The following ACMSD variants were observed in gnomAD, a reference collection of about 807,000 sequenced individuals.
ACMSD encodes the protein 2-amino-3-carboxymuconate-6-semialdehyde decarboxylase.
ACMSD carries 37 observed loss-of-function variants against 45.9 expected under a neutral mutation model. The ratio of observed to expected loss-of-function variants is 0.81; its 90% CI spans 0.62 to 1.06. The LOEUF (loss-of-function observed/expected upper bound fraction) is 1.06, where lower values mean the gene tolerates loss of function less well. ACMSD is among the 50% of genes least tolerant of loss of function. The probability of loss-of-function intolerance (pLI) is 0.00; values close to 1 mark genes in which losing one functional copy is unlikely to be tolerated. For synonymous variants in ACMSD, 138 were observed against 148.8 expected, an observed-to-expected ratio of 0.93 and a Z score of 0.53; for missense variants, 434 against 420.9, an observed-to-expected ratio of 1.03 and a Z score of -0.27.
Position 134,840,087 on chromosome 2 carries a change from T to C in ACMSD, c.57+1348T>C, listed in dbSNP as rs77364127. 2.4e-3 allele frequency among the ~76,000 whole-genome samples: 359 copies of C among 146,930 alleles called. 2 individuals carry two copies. The highest frequency in any genetic ancestry group is 8.6e-3 in the African/African-American group (340 of 39,538). ...GATACAGGTAATGGAAGCAATAGAT[T>C]ATACTCCCTAATCTGAGAGTTTTAG... is the stretch of plus-strand genomic sequence containing the variant. On this transcript the variant is annotated intron_variant, in intron 1 of 9. Transcript: ENST00000356140.
chr2:134,863,357 T>A, intron 4 of ACMSD, 38 bp from the exon 5 acceptor site: 1 of 1,592,452 alleles, frequency 6.3e-7, no homozygotes, highest in Non-Finnish European at 8.6e-7. Context: ...AGAAGTAGGT[T>A]TTCAACAATG....
chr2:134,879,174 A>G (rs953073267), intron 8 of ACMSD, among the ~76,000 whole-genome samples: 4 of 152,208 alleles, frequency 2.6e-5, no homozygotes, highest in Admixed American at 6.5e-5. Context: ...CAATCCCCAT[A>G]GTACCAGTCC....
chr2:134,840,438 C>A (rs545671163), intron 1 of ACMSD, among the ~76,000 whole-genome samples: 1 of 152,042 alleles, frequency 6.6e-6, no homozygotes, highest in Non-Finnish European at 1.5e-5. Context: ...TATGTCCCCC[C>A]CAAAATTCAG....
intron 8 of ACMSD, 35 bp downstream of exon 8, chr2:134,872,676 G>A (rs554006172): frequency 4.3e-6 from 7 of 1,611,514 alleles, no homozygotes; most frequent in African/African-American, 2.7e-5. Flanking sequence ...GGCTTATGGG[G>A]AGCAGAATGC....
chr2:134,864,268 CAA>C (rs370221460), intron 5 of ACMSD, among the ~76,000 whole-genome samples: 125 of 117,950 alleles, frequency 1.1e-3, no homozygotes, highest in African/African-American at 3.7e-3. Flanking sequence ...GACTCCATCT[CAA>C]AAAAAAAAAA....
At chr2:134,851,643 A>G (rs1687351276) in intron 2 of ACMSD, among the ~76,000 whole-genome samples, 1 of 152,164 alleles carries the variant, frequency 6.6e-6, no homozygotes, top group Non-Finnish European at 1.5e-5. Context: ...GGGTTTCACC[A>G]TGTTGGCCAG....
chr2:134,874,915 A>T (rs917908443), intron 8 of ACMSD, among the ~76,000 whole-genome samples: 1 of 152,240 alleles, frequency 6.6e-6, no homozygotes, highest in African/African-American at 2.4e-5. Flanking sequence ...TAAACTAAGA[A>T]ACAATAGTAT....
chr2:134,847,416 A>C (rs746213099), intron 2 of ACMSD, among the ~76,000 whole-genome samples: 11 of 150,814 alleles, frequency 7.3e-5, no homozygotes, highest in Non-Finnish European at 1.3e-4. Context: ...AGATAGATAG[A>C]TAGATAGATA....
intron 1 of ACMSD, 133 bp downstream of exon 1, chr2:134,838,872 G>T: frequency 1.8e-6 from 1 of 541,656 alleles, no homozygotes; most frequent in East Asian, 3.1e-5. Context: ...TCATTTGGTA[G>T]TTCTGATTTT....
At chr2:134,871,116 G>A (rs914404207) in intron 7 of ACMSD, 56 bp downstream of exon 7, 3 of 1,431,854 alleles carry the variant, frequency 2.1e-6, no homozygotes, top group African/African-American at 2.8e-5. Flanking sequence ...TCCCACAGAT[G>A]GGGTGACTGT....
chr2:134,843,723 C>T (rs1686917518), intron 1 of ACMSD, among the ~76,000 whole-genome samples: 1 of 152,236 alleles, frequency 6.6e-6, no homozygotes, highest in Admixed American at 6.5e-5. Context: ...TTAAGGAGCT[C>T]CCTCATGTAG....
intron 8 of ACMSD, chr2:134,873,524 A>G (rs1382982462): frequency 1.3e-5 from 2 of 152,248 alleles, no homozygotes; most frequent in African/African-American, 4.8e-5. Context: ...GCAATATGGT[A>G]CTTGAGTTTA....
intron 2 of ACMSD, among the ~76,000 whole-genome samples, chr2:134,851,090 C>A (rs916560466): frequency 3.9e-5 from 6 of 152,150 alleles, no homozygotes; most frequent in African/African-American, 1.4e-4. Context: ...AGGATAATGG[C>A]CTCCAGGTGC....
chr2:134,883,470 T>C (rs1166968081), intron 8 of ACMSD, among the ~76,000 whole-genome samples: 1 of 152,154 alleles, frequency 6.6e-6, no homozygotes, highest in Non-Finnish European at 1.5e-5. Flanking sequence ...CAATTTGCAG[T>C]TATGAAATAA....
chr2:134,886,246 A>ATTATTATTATTATTTTTTTTTTTTTT, intron 8 of ACMSD, among the ~76,000 whole-genome samples: 38 of 115,424 alleles, frequency 3.3e-4, no homozygotes, highest in African/African-American at 9.4e-4. Flanking sequence ...TATTATTATT[A>ATTATTATTATTATTTTTTTTTTTTTT]TTTTTTTTTT....
chr2:134,851,178 T>C (rs1687325398), intron 2 of ACMSD, among the ~76,000 whole-genome samples: 1 of 152,246 alleles, frequency 6.6e-6, no homozygotes, highest in Admixed American at 6.5e-5. Flanking sequence ...GGAATATCCA[T>C]GGAATATTAT....
rs1687874062 is a variant in ACMSD at position 134,862,020 on chromosome 2, T to C, written c.249+2T>C. The stretch of plus-strand genomic sequence containing the variant: ...GTTCCTGTCATGTTTAGCTACTGGG[T>C]GAGTGTGAAACCTCAAGCCATCTCC... On this transcript the variant is annotated splice_donor_variant, in intron 4 of 9. Coordinates refer to ENST00000356140, the MANE Select transcript of ACMSD (RefSeq NM_138326.3). LOFTEE classifies it high-confidence loss of function. The C allele has an allele frequency of 6.2e-7, 1 of 1,613,992 alleles. No individual in the cohort carries two copies. Among genetic ancestry groups the C allele is most frequent in the Non-Finnish European group, 8.5e-7 (1 of 1,180,010 alleles).
intron 1 of ACMSD, among the ~76,000 whole-genome samples, chr2:134,844,085 C>T (rs531004258): frequency 3.3e-5 from 5 of 152,214 alleles, no homozygotes; most frequent in Admixed American, 6.5e-5. Flanking sequence ...TCCATGAAAG[C>T]GTGAAGAAGG....
At chr2:134,882,610 C>T (rs1689102428) in intron 8 of ACMSD, among the ~76,000 whole-genome samples, 1 of 152,150 alleles carries the variant, frequency 6.6e-6, no homozygotes, top group African/African-American at 2.4e-5. Context: ...TTGAATTAAA[C>T]CAGGCTCTTT....
Sources: gnomAD v4.1 joint callset for allele counts (sites outside exome capture counted in the v4.1 genomes callset) on GRCh38, gnomAD v4.1.1 for gene constraint, MANE v1.5 for transcripts, NCBI Gene and HGNC (gene_info 2026-07-23, HGNC 2026-07-21) for gene names.